The following TULP4 variants were observed in gnomAD, a reference collection of about 807,000 sequenced individuals.
The protein encoded by TULP4 is TUB like protein 4.
A neutral mutation model predicts 129.0 loss-of-function variants in TULP4; 16 were observed. The observed-to-expected ratio is 0.12, with a 90% CI of 0.08 to 0.19. The LOEUF is 0.19. TULP4 is among the 10% of genes least tolerant of loss of function. TULP4 has a pLI of 1.00. For missense variants in TULP4, 1,842 were observed against 2,059.1 expected (o/e 0.89, Z 2.04); for synonymous variants, 998 against 854.0 (o/e 1.17, Z -2.94).
intron 1 of TULP4, among the ~76,000 whole-genome samples, chr6:158,240,053 A>C (rs1430547316): frequency 1.3e-5 from 1 of 74,076 alleles, no homozygotes; most frequent in Non-Finnish European, 2.9e-5. Context: ...TGACCCCCCC[A>C]CCTCCCTCCC....
At chr6:158,395,668 C>CGGGGGGTG (rs5881258) in intron 1 of TULP4, among the ~76,000 whole-genome samples, 2 of 83,118 alleles carry the variant, frequency 2.4e-5, no homozygotes, top group Non-Finnish European at 4.8e-5. Flanking sequence ...AAGTGATGGG[C>CGGGGGGTG]GGGGGGGGGG....
intron 1 of TULP4, among the ~76,000 whole-genome samples, chr6:158,383,166 C>A (rs965957415): frequency 6.6e-6 from 1 of 152,138 alleles, no homozygotes; most frequent in African/African-American, 2.4e-5. Flanking sequence ...CATTAAGATG[C>A]GGGGCCTGGA....
At chr6:158,326,766 C>G (rs1404089262) in intron 1 of TULP4, among the ~76,000 whole-genome samples, 8 of 152,176 alleles carry the variant, frequency 5.3e-5, no homozygotes, top group African/African-American at 1.9e-4. Context: ...AGCTCCATCA[C>G]TTAGTAATGC....
At chr6:158,446,897 C>T (rs1779059043) in intron 3 of TULP4, among the ~76,000 whole-genome samples, 3 of 152,188 alleles carry the variant, frequency 2.0e-5, no homozygotes, top group Non-Finnish European at 4.4e-5. Context: ...GTGGGCGCCC[C>T]ACCCTCACGA....
chr6:158,380,766 C>T (rs951724839), intron 1 of TULP4, among the ~76,000 whole-genome samples: 4 of 151,606 alleles, frequency 2.6e-5, no homozygotes, highest in African/African-American at 4.9e-5. Context: ...TGGTGGAACA[C>T]GCCTGTAGTC....
In TULP4 at chr6:158,312,466, A is replaced by G. The variant is rs1779378207; in HGVS notation, c.-1551A>G. On this transcript the variant is annotated 5_prime_UTR_variant, in exon 1 of 14. Transcript: ENST00000367097. ...TGACTGAGAAAGAAGTGTGATTTCA[A>G]ACATTGCAGCGGCTCACACAGTGTT... The G allele has an allele frequency of 9.6e-6, 2 of 208,348 alleles. No individual in the cohort carries two copies. The highest frequency in any genetic ancestry group is 1.9e-5 in the Non-Finnish European group (2 of 105,796). 12.9% of individuals were successfully genotyped at this position (208,348 alleles called of 1,614,324 possible). A position where few individuals can be genotyped will look rare whatever the true frequency, so the allele number is the denominator to read the frequency against.
In TULP4 at chr6:158,314,778, TAAAG is replaced by T. The variant is rs533092879; in HGVS notation, c.252+513_252+516del. On this transcript the variant is annotated intron_variant, in intron 1 of 13. Transcript: ENST00000367097. ...GCTTGTATGTTTTCGTACTTGGAGG[TAAAG>T]AAGTAGTTAATGGACAAAAACCATA... 3.9e-5 allele frequency among the ~76,000 whole-genome samples: 6 copies of T among 152,266 alleles called. No homozygotes were observed. In the South Asian group the frequency reaches 1.2e-3, roughly 32 times the overall value.
chr6:158,433,444 G>A (rs562118155), intron 3 of TULP4, among the ~76,000 whole-genome samples: 1 of 152,338 alleles, frequency 6.6e-6, no homozygotes, highest in African/African-American at 2.4e-5. Flanking sequence ...GCTAGGCGCA[G>A]TGGCTCACGC....
At position 158,460,009 on chromosome 6, in the gene TULP4, A is replaced by G. The variant is rs184573694; in HGVS notation, c.860-1554A>G. The stretch of plus-strand genomic sequence containing the variant: ...TCACCAGGATGTTTTTGGTTCTTTT[A>G]TGTAATTTTTCATTTCCTGATTGTG... On this transcript the variant is annotated intron_variant, in intron 5 of 13. Transcript: ENST00000367097. Among the ~76,000 whole-genome samples the G allele has an allele frequency of 4.5e-4, 68 of 152,292 alleles. 1 individual carries two copies. The highest frequency in any genetic ancestry group is 1.6e-3 in the African/African-American group (67 of 41,560).
At chr6:158,349,053 C>T (rs1420534982) in intron 1 of TULP4, among the ~76,000 whole-genome samples, 4 of 63,322 alleles carry the variant, frequency 6.3e-5, no homozygotes, top group South Asian at 4.5e-4. Context: ...TCCTCACTTC[C>T]CAGACGGGGC....
chr6:158,364,851 C>G (rs552218112), intron 1 of TULP4, among the ~76,000 whole-genome samples: 93 of 152,222 alleles, frequency 6.1e-4, no homozygotes, highest in Middle Eastern at 3.4e-3. Flanking sequence ...ATTCTCCTGA[C>G]TCAGCCTTCC....
At chr6:158,333,273 A>AG (rs1404585965) in intron 1 of TULP4, among the ~76,000 whole-genome samples, 1 of 152,154 alleles carries the variant, frequency 6.6e-6, no homozygotes, top group Non-Finnish European at 1.5e-5. Flanking sequence ...TGAAGTCATG[A>AG]GGGTGGGGCC....
rs146982009 is a variant in TULP4 at position 158,389,620 on chromosome 6, G to A, written c.253-23445G>A. On this transcript the variant is annotated intron_variant, in intron 1 of 13. Transcript: ENST00000367097. The stretch of plus-strand genomic sequence containing the variant: ...AGGATTTTGTACAATTTTTTTCTAA[G>A]GTTTTAATTAATTTATTGCAAAATG... 5.3e-4 allele frequency among the ~76,000 whole-genome samples: 81 copies of A among 152,074 alleles called. 1 individual carries two copies. The highest frequency in any genetic ancestry group is 1.8e-3 in the African/African-American group (75 of 41,464).
intron 1 of TULP4, among the ~76,000 whole-genome samples, chr6:158,305,094 CTCTT>C (rs950129870): frequency 1.1e-4 from 17 of 152,164 alleles, no homozygotes; most frequent in African/African-American, 1.7e-4. Context: ...TAAACACTAA[CTCTT>C]TATTTCCCCT....
chr6:158,243,847 GGTGTGTGTGTGTGTGTGTGT>G (rs57298904), intron 1 of TULP4, among the ~76,000 whole-genome samples: 3 of 143,604 alleles, frequency 2.1e-5, no homozygotes, highest in African/African-American at 5.2e-5. Context: ...AGCTGAAATA[GGTGTGTGTGTGTGTGTGTGT>G]GTGTGTGTGT....
intron 6 of TULP4, among the ~76,000 whole-genome samples, chr6:158,467,128 G>A (rs1390739001): frequency 6.6e-6 from 1 of 152,088 alleles, no homozygotes; most frequent in Non-Finnish European, 1.5e-5. Context: ...CAAGCCAGAA[G>A]TCAGCAGTCA....
chr6:158,448,897 A>G (rs1779107379), intron 3 of TULP4, 99 bp from the exon 4 acceptor site: 3 of 1,264,240 alleles, frequency 2.4e-6, no homozygotes, highest in Admixed American at 2.6e-5. Context: ...TTTTAGTTCT[A>G]AATGTATATT....
chr6:158,293,356 T>C (rs1778976738), intron 1 of TULP4, among the ~76,000 whole-genome samples: 1 of 152,200 alleles, frequency 6.6e-6, no homozygotes. Context: ...ATTCAGTTCA[T>C]GTTTATTGTT....
chr6:158,461,443 A>C, intron 5 of TULP4, 120 bp from the exon 6 acceptor site: 1 of 893,020 alleles, frequency 1.1e-6, no homozygotes, highest in Non-Finnish European at 1.7e-6. Flanking sequence ...AACCATGAAT[A>C]TATTTTTGTT....
Sources: gnomAD v4.1 joint callset for allele counts (sites outside exome capture counted in the v4.1 genomes callset) on GRCh38, gnomAD v4.1.1 for gene constraint, MANE v1.5 for transcripts, NCBI Gene and HGNC (gene_info 2026-07-23, HGNC 2026-07-21) for gene names.